FGD5: variants seen among roughly 807,000 people sequenced by gnomAD.
The protein encoded by FGD5 is FYVE, RhoGEF and PH domain-containing protein 5.
In FGD5, 28 loss-of-function variants were observed where a neutral mutation model predicts 133.4. That is an observed-to-expected ratio of 0.21 (90% CI 0.16 to 0.29). The LOEUF is 0.29. Ranked by LOEUF, FGD5 falls within the 10% of genes least tolerant of loss-of-function variation. The pLI is 1.00. For synonymous variants in FGD5, 810 were observed against 776.5 expected, an observed-to-expected ratio of 1.04 and a Z score of -0.72; for missense variants, 1,858 against 1,895.2, an observed-to-expected ratio of 0.98 and a Z score of 0.36.
chr3:14,890,462 G>A (rs1335437350), intron 4 of FGD5, among the ~76,000 whole-genome samples: 4 of 152,192 alleles, frequency 2.6e-5, no homozygotes, highest in South Asian at 2.1e-4. Flanking sequence ...AATGAATAAA[G>A]GAATGAGGAC....
chr3:14,854,525 C>A (rs2037237702), intron 1 of FGD5, among the ~76,000 whole-genome samples: 2 of 152,100 alleles, frequency 1.3e-5, no homozygotes, highest in South Asian at 4.2e-4. Flanking sequence ...AAGTGATCCT[C>A]CTGCCCTAGC....
At chr3:14,851,636 C>T (rs1040202592) in intron 1 of FGD5, among the ~76,000 whole-genome samples, 6 of 152,154 alleles carry the variant, frequency 3.9e-5, no homozygotes, top group African/African-American at 1.4e-4. Flanking sequence ...TTTGTGGCTC[C>T]GGCTTACATA....
rs1188597725 is a variant in FGD5 at position 14,864,239 on chromosome 3, A to T, written c.2637A>T (p.Arg879Ser). The T allele has an allele frequency of 1.9e-6, 3 of 1,613,976 alleles. No homozygotes were observed. The Admixed American group carries it at 5.0e-5, about 27-fold the overall frequency. ...CGGAGGAGGAGGACAGTGCTTCAAG[A>T]GACCCCAGTGTCACCCACAAGGTAG... ...RSSEEEDSASRDPSVTHKVEG... is the reference protein window; with the variant it reads ...RSSEEEDSASSDPSVTHKVEG... The change falls in exon 2 of 20, where the codon AGA becomes AGT. Residue 879 changes from arginine to serine, a missense_variant. Physicochemically the swap from Arg to Ser is moderately radical, Grantham distance 110. Around this residue, in one of 3 missense-constraint regions of FGD5, gnomAD observed 1,824 missense variants for 1,848.9 expected, o/e 0.99. Transcript: ENST00000285046.
At chr3:14,837,229 G>A (rs1343820206) in intron 1 of FGD5, among the ~76,000 whole-genome samples, 1 of 152,202 alleles carries the variant, frequency 6.6e-6, no homozygotes, top group Non-Finnish European at 1.5e-5. Flanking sequence ...AGCCCTCACT[G>A]AAACTATTTG....
intron 1 of FGD5, among the ~76,000 whole-genome samples, chr3:14,841,938 T>C (rs909328172): frequency 3.3e-5 from 5 of 152,214 alleles, no homozygotes; most frequent in Non-Finnish European, 5.9e-5. Flanking sequence ...GTTGCCGAGA[T>C]CCAGATGTTT....
At chr3:14,871,806 G>C (rs935841894) in intron 2 of FGD5, among the ~76,000 whole-genome samples, 1 of 152,222 alleles carries the variant, frequency 6.6e-6, no homozygotes, top group Non-Finnish European at 1.5e-5. Flanking sequence ...GGGAGTCTCA[G>C]ACATGCCCTT....
chr3:14,931,986 G>A (rs2038906096), intron 18 of FGD5: 1 of 152,170 alleles, frequency 6.6e-6, no homozygotes, highest in African/African-American at 2.4e-5. Flanking sequence ...CACCTTCTAT[G>A]ATTGTTGTGA....
At position 14,821,445 on chromosome 3, in the gene FGD5, C is replaced by A. The variant is rs546064860; in HGVS notation, c.2374C>A (p.Arg792=). 7.4e-6 allele frequency: 12 copies of A among 1,613,862 alleles called. No individual in the cohort carries two copies. Residue 792 remains arginine (R), a synonymous_variant, in exon 1 of 20, where the codon CGG becomes AGG. Transcript: ENST00000285046. ...SDYENIQIPP[R]RPARAGAFTK... ...CTATGAGAATATCCAGATTCCACCC[C>A]GGAGACCTGCCAGGGCTGGCGCGTT...
Position 14,900,450 on chromosome 3 carries a change from C to A in FGD5, c.3202C>A (p.Gln1068Lys), listed in dbSNP as rs1374663121. Residue 1068 changes from glutamine to lysine, a missense_variant, in exon 8 of 20, where the codon CAG (glutamine) becomes AAG (lysine). By Grantham distance (53) the Gln-to-Lys change is moderately conservative (BLOSUM62 1). Transcript: ENST00000285046. ...CPDSAEYDNT[Q>K]GALSLISKVT... ...GGACTCCGCCGAGTACGACAACACA[C>A]AGGGTGAGTCCAGCGTGAATGCGGA... 1.2e-6 allele frequency: 2 copies of A among 1,613,328 alleles called. No homozygotes were observed. Among genetic ancestry groups the A allele is most frequent in the Non-Finnish European group, 1.7e-6 (2 of 1,179,654 alleles).
chr3:14,864,125 C>T lies in FGD5; in HGVS notation c.2526-3C>T, dbSNP rs776581409. On this transcript the variant is annotated splice_polypyrimidine_tract_variant and splice_region_variant and intron_variant, in intron 1 of 19. Coordinates refer to ENST00000285046, the MANE Select transcript of FGD5 (RefSeq NM_152536.4). ...AACCCTTCTTTCCCCTGCTTTGACC[C>T]AGCGCCTACACAGAGCCCTACAAAG... The T allele has an allele frequency of 1.2e-5, 19 of 1,611,008 alleles. No individual in the cohort carries two copies. Among genetic ancestry groups the T allele is most frequent in the Non-Finnish European group, 1.6e-5 (19 of 1,177,856 alleles).
intron 1 of FGD5, among the ~76,000 whole-genome samples, chr3:14,845,072 CCACT>C (rs1185228039): frequency 6.6e-6 from 1 of 152,152 alleles, no homozygotes; most frequent in African/African-American, 2.4e-5. Context: ...AATTCTGCCT[CCACT>C]CACTCAGAAA....
rs573943764 is a variant in FGD5, at chr3:14,876,552, C to T, written c.2659-4020C>T. Among the ~76,000 whole-genome samples, 13 of 152,174 alleles carry T rather than the reference C, an allele frequency of 8.5e-5. No individual in the cohort carries two copies. The East Asian group carries it at 2.3e-3, about 27-fold the overall frequency. The stretch of plus-strand genomic sequence containing the variant: ...AATAAATAAATAAATAAATAAACCA[C>T]CCTGTTTTCTAAAACAATCAAGAAA... On this transcript the variant is annotated intron_variant, in intron 2 of 19. Coordinates refer to ENST00000285046, the MANE Select transcript of FGD5 (RefSeq NM_152536.4).
intron 1 of FGD5, among the ~76,000 whole-genome samples, chr3:14,829,268 G>A (rs955340960): frequency 3.9e-5 from 6 of 152,192 alleles, no homozygotes; most frequent in African/African-American, 1.4e-4. Context: ...ATATCAGTGT[G>A]ACAAGTGTGT....
chr3:14,880,052 A>G (rs569558412), intron 2 of FGD5, among the ~76,000 whole-genome samples: 9 of 152,048 alleles, frequency 5.9e-5, no homozygotes, highest in Non-Finnish European at 1.0e-4. Context: ...GTGCTGTTAA[A>G]ATCTGCATTT....
intron 4 of FGD5, among the ~76,000 whole-genome samples, chr3:14,881,521 A>C (rs2037824552): frequency 6.6e-6 from 1 of 152,154 alleles, no homozygotes; most frequent in Non-Finnish European, 1.5e-5. Context: ...TGAGGAGGTG[A>C]TATTAAGGGC....
chr3:14,907,727 A>T lies in FGD5; in HGVS notation c.3336+16A>T. On this transcript the variant is annotated intron_variant, in intron 10 of 19. Coordinates refer to ENST00000285046, the MANE Select transcript of FGD5 (RefSeq NM_152536.4). The stretch of plus-strand genomic sequence containing the variant: ...GCCAGGAAGGGTGAGTGCCGCCACC[A>T]TGGGTAGGGGCAGAGGGTGGCTGGG... The T allele has an allele frequency of 6.2e-7, 1 of 1,611,706 alleles. No homozygotes were observed. The highest frequency in any genetic ancestry group is 8.5e-7 in the Non-Finnish European group (1 of 1,178,214).
chr3:14,922,372 G>A lies in FGD5; in HGVS notation c.3670-39G>A. On this transcript the variant is annotated intron_variant, in intron 14 of 19. Coordinates refer to ENST00000285046, the MANE Select transcript of FGD5 (RefSeq NM_152536.4). This position sits in a 1 kb window ranked among gnomAD's most constrained non-coding sequence, Gnocchi z 4.1. ...GGCTCTGCATCTGGCTGGTCTCCTG[G>A]CCACATTCCACATTACTCAGCCAAT... The A allele has an allele frequency of 6.4e-7, 1 of 1,554,378 alleles. No homozygotes were observed. Among genetic ancestry groups the A allele is most frequent in the Non-Finnish European group, 8.7e-7 (1 of 1,148,562 alleles).
At chr3:14,889,914 G>GTA (rs2037993587) in intron 4 of FGD5, among the ~76,000 whole-genome samples, 2 of 152,072 alleles carry the variant, frequency 1.3e-5, no homozygotes, top group African/African-American at 4.8e-5. Context: ...AGCTCTTTAA[G>GTA]TATTCTGGAC....
At chr3:14,908,794 C>T (rs539970791) in intron 10 of FGD5, among the ~76,000 whole-genome samples, 5 of 151,262 alleles carry the variant, frequency 3.3e-5, no homozygotes, top group South Asian at 4.2e-4. Context: ...GCAGGATAAT[C>T]GCTTAAACCC....
Sources: gnomAD v4.1 joint callset for allele counts (sites outside exome capture counted in the v4.1 genomes callset) on GRCh38, gnomAD v4.1.1 for gene constraint, gnomAD v4.1.1 regional missense constraint, Gnocchi (gnomAD v3.1) non-coding constraint, MANE v1.5 for transcripts, NCBI Gene and HGNC (gene_info 2026-07-23, HGNC 2026-07-21) for gene names.